The following C4orf51 variants were observed in gnomAD, a reference collection of about 807,000 sequenced individuals.
The protein encoded by C4orf51 is uncharacterized protein C4orf51.
A neutral mutation model predicts 25.2 loss-of-function variants in C4orf51; 25 were observed. The ratio of observed to expected loss-of-function variants is 0.99; its 90% CI spans 0.72 to 1.39. The LOEUF (loss-of-function observed/expected upper bound fraction) is 1.39. C4orf51 is among the 40% of genes most tolerant of loss of function. The pLI is 0.00. For synonymous variants in C4orf51, 100 were observed against 84.5 expected (o/e 1.18, Z -1.01); for missense variants, 252 against 239.6 (o/e 1.05, Z -0.34).
At position 145,707,775 on chromosome 4, in the gene C4orf51, A is replaced by C. The variant is rs554316805; in HGVS notation, c.307+11143A>C. Among the ~76,000 whole-genome samples, 17 of 152,316 alleles carry C rather than the reference A, an allele frequency of 1.1e-4. No homozygotes were observed. In the South Asian group the frequency reaches 3.5e-3, roughly 32 times the overall value. On this transcript the variant is annotated intron_variant, in intron 2 of 5. Coordinates refer to ENST00000438731, the MANE Select transcript of C4orf51 (RefSeq NM_001080531.3). Reference sequence around the variant, plus strand: ...GACAGGATTTGGAGGAAGGTTGCTCAGAGAAGGAGATTAGCACAGAGTAGG... The same window carrying C: ...GACAGGATTTGGAGGAAGGTTGCTCCGAGAAGGAGATTAGCACAGAGTAGG...
rs200287721 is a variant in C4orf51 at position 145,762,181 on chromosome 4, CTG to C, written n.167-8802_167-8801del. Among the ~76,000 whole-genome samples, 1,250 of 152,224 alleles carry C rather than the reference CTG, an allele frequency of 8.2e-3. 12 individuals carry two copies. Among genetic ancestry groups the C allele is most frequent in the African/African-American group, 0.028 (1,166 of 41,530 alleles). On this transcript the variant is annotated intron_variant and non_coding_transcript_variant, in intron 1 of 1. Transcript: ENST00000510096. The surrounding 1 kb of genome is among the most constrained non-coding windows in gnomAD (Gnocchi z 4.9). ...GATGAGAAGGCCTGTGTGTGTCTCT[CTG>C]TGTGAGTGTGTGCATGTGTACATAT...
At chr4:145,770,026 CG>C (rs1461867682) in intron 1 of C4orf51, among the ~76,000 whole-genome samples, 1 of 152,074 alleles carries the variant, frequency 6.6e-6, no homozygotes, top group Non-Finnish European at 1.5e-5. Context: ...GGCTGGGTGC[CG>C]TGGCTCACGC....
downstream of C4orf51, among the ~76,000 whole-genome samples, chr4:145,774,339 T>A (rs1226218061): frequency 6.6e-6 from 1 of 152,162 alleles, no homozygotes; most frequent in Admixed American, 6.5e-5. Flanking sequence ...GGAAACAGTA[T>A]TATGACTACA....
intron 2 of C4orf51, among the ~76,000 whole-genome samples, chr4:145,717,290 T>G (rs977584443): frequency 3.4e-4 from 51 of 152,216 alleles, no homozygotes; most frequent in African/African-American, 1.2e-3. Context: ...AGTAAAGCAC[T>G]GGGAGGACGA....
At chr4:145,739,174 A>G (rs370189490) in intron 1 of C4orf51, among the ~76,000 whole-genome samples, 98 of 152,370 alleles carry the variant, frequency 6.4e-4, no homozygotes, top group African/African-American at 2.2e-3. Flanking sequence ...CTAATAGCTT[A>G]TAAGAAGCAT....
chr4:145,716,567 A>C (rs936026330), intron 2 of C4orf51, among the ~76,000 whole-genome samples: 2 of 152,210 alleles, frequency 1.3e-5, no homozygotes, highest in African/African-American at 2.4e-5. Context: ...TCAGGGTTGA[A>C]TCTTTGAAGG....
At chr4:145,724,789 C>A (rs1731949169) in intron 2 of C4orf51, among the ~76,000 whole-genome samples, 1 of 143,230 alleles carries the variant, frequency 7.0e-6, no homozygotes, top group Non-Finnish European at 1.5e-5. Context: ...GAGGCTGAGG[C>A]AGGAGGATCC....
chr4:145,765,387 A>T lies in C4orf51; in HGVS notation n.167-5601A>T, dbSNP rs139928609. Among the ~76,000 whole-genome samples the T allele has an allele frequency of 2.0e-5, 3 of 152,198 alleles. No individual in the cohort carries two copies. Among genetic ancestry groups the T allele is most frequent in the Non-Finnish European group, 4.4e-5 (3 of 68,028 alleles). ...TCCTTCCACCCCATACTCGGATTCA[A>T]ATTAAGCCAAAAGAAATACAACCTT... is the stretch of plus-strand genomic sequence containing the variant. On this transcript the variant is annotated intron_variant and non_coding_transcript_variant, in intron 1 of 1. Transcript: ENST00000510096. The surrounding 1 kb of genome is among the most constrained non-coding windows in gnomAD (Gnocchi z 4.7).
At chr4:145,717,461 C>G (rs1731484443) in intron 2 of C4orf51, among the ~76,000 whole-genome samples, 1 of 152,192 alleles carries the variant, frequency 6.6e-6, no homozygotes, top group Non-Finnish European at 1.5e-5. Flanking sequence ...TTAATTTACC[C>G]AAATGATAAT....
chr4:145,699,754 A>G (rs1309526546), intron 2 of C4orf51, among the ~76,000 whole-genome samples: 6 of 152,118 alleles, frequency 3.9e-5, no homozygotes, highest in Non-Finnish European at 7.3e-5. Flanking sequence ...GGGAAGGGGC[A>G]AGTACGCCAA....
At chr4:145,693,584 G>T (rs1380646522) in intron 1 of C4orf51, among the ~76,000 whole-genome samples, 1 of 149,968 alleles carries the variant, frequency 6.7e-6, no homozygotes, top group Non-Finnish European at 1.5e-5. Context: ...GGGCAGAGGG[G>T]CTCCTCACTT....
chr4:145,730,637 A>C (rs1397548959), intron 5 of C4orf51, among the ~76,000 whole-genome samples: 2 of 152,024 alleles, frequency 1.3e-5, no homozygotes, highest in African/African-American at 2.4e-5. Flanking sequence ...CTTAAAAAAA[A>C]CTCAGACTCA....
At chr4:145,778,419 C>T in the C4orf51 span, among the ~76,000 whole-genome samples, 3 of 152,206 alleles carry the variant, frequency 2.0e-5, no homozygotes, top group Admixed American at 2.0e-4. Context: ...TAGGCGTGAG[C>T]CATCGCGCCC....
At chr4:145,749,905 A>C (rs1345789646) in intron 1 of C4orf51, among the ~76,000 whole-genome samples, 1 of 152,150 alleles carries the variant, frequency 6.6e-6, no homozygotes, top group Non-Finnish European at 1.5e-5. Context: ...AAGTGCTGGG[A>C]TTACAGACAT....
intron 2 of C4orf51, among the ~76,000 whole-genome samples, chr4:145,711,073 C>A (rs1404500063): frequency 1.3e-5 from 2 of 152,066 alleles, no homozygotes; most frequent in African/African-American, 4.8e-5. Flanking sequence ...ATTGTGCAAC[C>A]CTTGCTGACA....
intron 1 of C4orf51, among the ~76,000 whole-genome samples, chr4:145,688,093 CGGGAGGCTGAGGTGG>C (rs1337867531): frequency 6.7e-6 from 1 of 150,072 alleles, no homozygotes. Flanking sequence ...TCCAGCTACT[CGGGAGGCTGAGGTGG>C]GAAGATTACT....
intron 1 of C4orf51, among the ~76,000 whole-genome samples, chr4:145,766,813 T>G (rs1735374807): frequency 6.6e-6 from 1 of 152,042 alleles, no homozygotes; most frequent in African/African-American, 2.4e-5. Flanking sequence ...AAAAACACAA[T>G]TTACAGGGCA....
At chr4:145,747,374 T>G (rs1163334232) in intron 1 of C4orf51, among the ~76,000 whole-genome samples, 2 of 143,106 alleles carry the variant, frequency 1.4e-5, no homozygotes, top group Admixed American at 7.0e-5. Flanking sequence ...ATTCCTTCTG[T>G]GCCCAGTTTT....
At chr4:145,702,017 C>T (rs1284382417) in intron 2 of C4orf51, among the ~76,000 whole-genome samples, 3 of 152,040 alleles carry the variant, frequency 2.0e-5, no homozygotes, top group East Asian at 1.9e-4. Context: ...CCCTGGCAAC[C>T]AATCACATGC....
Sources: gnomAD v4.1 joint callset for allele counts (sites outside exome capture counted in the v4.1 genomes callset) on GRCh38, gnomAD v4.1.1 for gene constraint, Gnocchi (gnomAD v3.1) non-coding constraint, MANE v1.5 for transcripts, NCBI Gene and HGNC (gene_info 2026-07-23, HGNC 2026-07-21) for gene names.